The following SUGCT variants were observed in gnomAD, a reference collection of about 807,000 sequenced individuals.
SUGCT encodes succinyl-CoA:glutarate-CoA transferase.
A neutral mutation model predicts 55.0 loss-of-function variants in SUGCT; 41 were observed. The observed-to-expected ratio is 0.74, with a 90% CI of 0.58 to 0.97. The LOEUF is 0.97. SUGCT is among the 50% of genes least tolerant of loss of function. SUGCT has a pLI of 0.00. For missense variants in SUGCT, 568 were observed against 547.8 expected (o/e 1.04, Z -0.37); for synonymous variants, 187 against 200.4 (o/e 0.93, Z 0.56).
chr7:40,606,161 A>G (rs1798526936), intron 12 of SUGCT, among the ~76,000 whole-genome samples: 1 of 152,222 alleles, frequency 6.6e-6, no homozygotes, highest in African/African-American at 2.4e-5. Context: ...AGCAGAAAAG[A>G]CAAAAGAAGA....
At chr7:40,896,741 G>A in the SUGCT span, among the ~76,000 whole-genome samples, 1 of 152,068 alleles carries the variant, frequency 6.6e-6, no homozygotes, top group Non-Finnish European at 1.5e-5. Context: ...CCAGTCTCAG[G>A]TATGTCTTTA....
At chr7:40,903,023 T>A in the SUGCT span, among the ~76,000 whole-genome samples, 9 of 141,626 alleles carry the variant, frequency 6.4e-5, no homozygotes, top group East Asian at 8.0e-4. Flanking sequence ...CTTTCATTTC[T>A]TTTCTTTTCT....
chr7:40,213,603 C>T (rs1413744740), intron 6 of SUGCT, among the ~76,000 whole-genome samples: 1 of 152,200 alleles, frequency 6.6e-6, no homozygotes, highest in African/African-American at 2.4e-5. Context: ...AGCCTCCTCT[C>T]TGCTGAAGGG....
intron 4 of SUGCT, 146 bp from the exon 5 acceptor site, chr7:40,189,398 C>CTTTTT (rs771275549): frequency 7.5e-4 from 109 of 145,466 alleles, no homozygotes; most frequent in Non-Finnish European, 1.2e-3. Flanking sequence ...AATACACATA[C>CTTTTT]TTTTTTTTTT....
In SUGCT at chr7:40,511,664, A is replaced by C. The variant is rs368726355; in HGVS notation, c.1089+15278A>C. On this transcript the variant is annotated intron_variant, in intron 12 of 13. Transcript: ENST00000335693. ...TTAAATAAAAAGCAAAAATAACACA[A>C]AACAAATTTCATTTCAAATATCTCA... Among the ~76,000 whole-genome samples the C allele has an allele frequency of 3.9e-5, 6 of 152,214 alleles. No individual in the cohort carries two copies. In the East Asian group the frequency reaches 9.6e-4, roughly 24 times the overall value.
the SUGCT span, among the ~76,000 whole-genome samples, chr7:40,969,638 T>C: frequency 6.6e-6 from 1 of 152,198 alleles, no homozygotes; most frequent in Non-Finnish European, 1.5e-5. Flanking sequence ...ATTACAGGCA[T>C]GAGCCGCTGC....
At chr7:41,036,414 C>T in the SUGCT span, among the ~76,000 whole-genome samples, 2 of 152,188 alleles carry the variant, frequency 1.3e-5, no homozygotes, top group Admixed American at 6.5e-5. Flanking sequence ...TCTGGTCTGA[C>T]ACCAACTGGT....
In SUGCT at chr7:40,811,671, AGTTT is replaced by A. The variant is rs572197285; in HGVS notation, c.1154-48644_1154-48641del. ...TATCAGTTTCAGGAGCCTGTGATGG[AGTTT>A]TTTGGGTTTTCTAGGTGTAGAATCA... On this transcript the variant is annotated intron_variant, in intron 13 of 13. Coordinates refer to ENST00000335693, the MANE Select transcript of SUGCT (RefSeq NM_001193313.2). 9.9e-5 allele frequency among the ~76,000 whole-genome samples: 15 copies of A among 152,074 alleles called. No individual in the cohort carries two copies. In the South Asian group the frequency reaches 2.5e-3, roughly 25 times the overall value.
chr7:40,374,278 G>A (rs1353682354), intron 9 of SUGCT, among the ~76,000 whole-genome samples: 1 of 152,084 alleles, frequency 6.6e-6, no homozygotes, highest in African/African-American at 2.4e-5. Flanking sequence ...CTTTTTGCAC[G>A]TGCTTTCTGT....
At chr7:40,481,834 C>T (rs1319232893) in intron 11 of SUGCT, among the ~76,000 whole-genome samples, 2 of 152,104 alleles carry the variant, frequency 1.3e-5, no homozygotes, top group Non-Finnish European at 2.9e-5. Context: ...CTTAAGTTAC[C>T]CTGTTAAAAA....
intron 12 of SUGCT, among the ~76,000 whole-genome samples, chr7:40,532,532 G>C (rs867176471): frequency 2.0e-5 from 3 of 147,886 alleles, no homozygotes; most frequent in Non-Finnish European, 3.0e-5. Context: ...ATGTCTGTGT[G>C]TGTGTGTGTG....
intron 12 of SUGCT, among the ~76,000 whole-genome samples, chr7:40,660,396 T>C (rs919105273): frequency 6.6e-6 from 1 of 152,118 alleles, no homozygotes; most frequent in Non-Finnish European, 1.5e-5. Context: ...GTAGCTGGAA[T>C]TACAGGTGCC....
chr7:40,700,650 T>A (rs887488724), intron 12 of SUGCT, among the ~76,000 whole-genome samples: 5 of 152,212 alleles, frequency 3.3e-5, no homozygotes, highest in African/African-American at 1.2e-4. Flanking sequence ...ATTGACCATG[T>A]CGGTGGTTTT....
At chr7:40,912,310 A>T in the SUGCT span, among the ~76,000 whole-genome samples, 1 of 152,128 alleles carries the variant, frequency 6.6e-6, no homozygotes, top group Non-Finnish European at 1.5e-5. Flanking sequence ...ACTAATTCAG[A>T]TGATTTTAGA....
chr7:40,640,971 G>A (rs1047770454), intron 12 of SUGCT, among the ~76,000 whole-genome samples: 1 of 152,188 alleles, frequency 6.6e-6, no homozygotes, highest in Non-Finnish European at 1.5e-5. Context: ...GGACATTTTG[G>A]TGTTTTACTA....
At chr7:40,724,548 T>A (rs1040826456) in intron 12 of SUGCT, among the ~76,000 whole-genome samples, 5 of 150,882 alleles carry the variant, frequency 3.3e-5, no homozygotes, top group Non-Finnish European at 1.5e-5. Flanking sequence ...GGTGACAGAG[T>A]GAGACTCCAT....
chr7:40,954,889 T>G, the SUGCT span, among the ~76,000 whole-genome samples: 1 of 152,218 alleles, frequency 6.6e-6, no homozygotes, highest in Admixed American at 6.5e-5. Context: ...ATTTATTAAA[T>G]AGGGAATCCT....
intron 12 of SUGCT, among the ~76,000 whole-genome samples, chr7:40,639,568 G>A (rs893030683): frequency 1.3e-5 from 2 of 148,840 alleles, no homozygotes; most frequent in Non-Finnish European, 3.0e-5. Flanking sequence ...AGGCTGGAGT[G>A]CAGTGGCGCG....
chr7:40,709,769 C>T (rs548466154), intron 12 of SUGCT, among the ~76,000 whole-genome samples: 6 of 152,156 alleles, frequency 3.9e-5, no homozygotes, highest in Non-Finnish European at 8.8e-5. Context: ...AGGTGATAAC[C>T]GCAGTTCTCA....
Sources: allele counts gnomAD v4.1 joint callset (sites outside exome capture counted in the v4.1 genomes callset), GRCh38; gene constraint gnomAD v4.1.1; transcripts MANE v1.5; gene names NCBI Gene and HGNC (gene_info 2026-07-23, HGNC 2026-07-21).